The following ENPP2 variants were observed in gnomAD, a reference collection of about 807,000 sequenced individuals.
ENPP2 encodes ectonucleotide pyrophosphatase/phosphodiesterase 2.
A neutral mutation model predicts 120.2 loss-of-function variants in ENPP2; 51 were observed. The ratio of observed to expected loss-of-function variants is 0.42; its 90% CI spans 0.34 to 0.54. The LOEUF (loss-of-function observed/expected upper bound fraction) is 0.54, where lower values mean the gene tolerates loss of function less well. Ranked by LOEUF, ENPP2 falls within the 20% of genes least tolerant of loss-of-function variation. ENPP2 has a pLI of 0.04. For synonymous variants in ENPP2, 365 were observed against 366.4 expected (o/e 1.00, Z 0.04); for missense variants, 920 against 1,066.5 (o/e 0.86, Z 1.91).
chr8:119,659,634 G>C (rs16892918), intron 1 of ENPP2, among the ~76,000 whole-genome samples: 2,841 of 152,186 alleles, frequency 0.019, 85 homozygotes, highest in African/African-American at 0.065. Context: ...CTCCTAATCT[G>C]GTCAGATGAT....
chr8:119,610,903 T>TAAAAAAAA (rs541673414), intron 8 of ENPP2, among the ~76,000 whole-genome samples: 1,766 of 136,372 alleles, frequency 0.013, 29 homozygotes, highest in African/African-American at 0.037. Context: ...ATTCTGTCTT[T>TAAAAAAAA]AAAAAAAAAA....
upstream of ENPP2, among the ~76,000 whole-genome samples, chr8:119,639,353 C>A (rs895412717): frequency 6.6e-6 from 1 of 152,160 alleles, no homozygotes; most frequent in South Asian, 2.1e-4. Context: ...GCGACCCTGT[C>A]CCTAGTATCA....
chr8:119,621,291 C>T (rs1815876115), intron 4 of ENPP2, 103 bp downstream of exon 4: 1 of 1,011,240 alleles, frequency 9.9e-7, no homozygotes, highest in African/African-American at 1.6e-5. Flanking sequence ...TCCTTCCTCC[C>T]AAACTCATAT....
rs747959051 is a variant in ENPP2 at position 119,564,917 on chromosome 8, A to G, written c.2170T>C (p.Tyr724His). Residue 724 changes from tyrosine to histidine, a missense_variant, in exon 23 of 25, where the codon TAT becomes CAT. By Grantham distance (83) the Tyr-to-His change is moderately conservative. Coordinates refer to ENST00000075322, the MANE Select transcript of ENPP2 (RefSeq NM_001040092.3). ...NYFQRVLVKK[Y>H]ASERNGVNVI... is the part of the protein sequence containing the mutation. Reference sequence around the variant, plus strand: ...TTAACTCCATTTCTTTCCGAAGCATATTTCTTCACCAATACCCTTTGGAAA... The same window carrying G: ...TTAACTCCATTTCTTTCCGAAGCATGTTTCTTCACCAATACCCTTTGGAAA... The G allele has an allele frequency of 6.2e-7, 1 of 1,613,344 alleles. No homozygotes were observed. Among genetic ancestry groups the G allele is most frequent in the Admixed American group, 1.7e-5 (1 of 59,978 alleles).
At chr8:119,640,479 A>C (rs1234313478), upstream of ENPP2, among the ~76,000 whole-genome samples, 1 of 152,236 alleles carries the variant, frequency 6.6e-6, no homozygotes, top group Non-Finnish European at 1.5e-5. Flanking sequence ...TTCTAAAAAC[A>C]AAAACAGCCT....
intron 11 of ENPP2, chr8:119,595,783 A>C: frequency 6.5e-7 from 1 of 1,529,984 alleles, no homozygotes; most frequent in Non-Finnish European, 9.0e-7. Context: ...CAACCAAGGC[A>C]CTGAAGGCAA....
chr8:119,568,144 T>A, intron 22 of ENPP2, 31 bp downstream of exon 22: 1 of 1,102,598 alleles, frequency 9.1e-7, no homozygotes. Context: ...TTTTCATAAA[T>A]AACAGTGTAT....
At chr8:119,667,479 C>T (rs1214231822) in intron 1 of ENPP2, among the ~76,000 whole-genome samples, 20 of 152,186 alleles carry the variant, frequency 1.3e-4, no homozygotes, top group Non-Finnish European at 1.5e-4. Context: ...TATCTCCCTC[C>T]ACATTAGAGG....
chr8:119,668,429 CTTT>C (rs5894492), intron 1 of ENPP2, among the ~76,000 whole-genome samples: 7 of 110,536 alleles, frequency 6.3e-5, no homozygotes, highest in Non-Finnish European at 7.3e-5. Flanking sequence ...TTTTCTTTTT[CTTT>C]TTTTTTTTTT....
intron 24 of ENPP2, among the ~76,000 whole-genome samples, chr8:119,562,190 C>A (rs1464931921): frequency 6.6e-6 from 1 of 151,550 alleles, no homozygotes; most frequent in Non-Finnish European, 1.5e-5. Flanking sequence ...TGCCTATAAT[C>A]CCAGCACTTT....
rs772954841 is a variant in ENPP2 at position 119,638,482 on chromosome 8, C to G, written c.79G>C (p.Gly27Arg). Reference sequence around the variant, plus strand: ...CTCTTAATTCGATGTGCAGTGAATCCTAAGCAGATATTGACTCCAACGGCA... The same window carrying G: ...CTCTTAATTCGATGTGCAGTGAATCGTAAGCAGATATTGACTCCAACGGCA... ...TFAVGVNICL[G>R]FTAHRIKRAE... Residue 27 changes from glycine to arginine, a missense_variant, in exon 2 of 25, where the codon GGA becomes CGA. Transcript: ENST00000075322. 1 of 1,611,294 alleles carries G rather than the reference C, an allele frequency of 6.2e-7. No homozygotes were observed. Among genetic ancestry groups the G allele is most frequent in the South Asian group, 1.1e-5 (1 of 91,012 alleles).
intron 9 of ENPP2, among the ~76,000 whole-genome samples, chr8:119,606,523 C>T (rs1814729308): frequency 6.6e-6 from 1 of 151,810 alleles, no homozygotes; most frequent in African/African-American, 2.4e-5. Context: ...CATAGGATAA[C>T]ACTGGTAAAT....
At chr8:119,570,378 A>G (rs560247783) in intron 20 of ENPP2, among the ~76,000 whole-genome samples, 1 of 152,258 alleles carries the variant, frequency 6.6e-6, no homozygotes, top group African/African-American at 2.4e-5. Flanking sequence ...CTGAGAAATA[A>G]AATGTGCTCT....
intron 1 of ENPP2, among the ~76,000 whole-genome samples, chr8:119,645,251 G>A (rs1411085976): frequency 2.0e-5 from 3 of 152,090 alleles, no homozygotes; most frequent in Non-Finnish European, 2.9e-5. Flanking sequence ...TACACCACAC[G>A]AGGGCCTCCA....
chr8:119,661,558 G>A (rs1817921612), intron 1 of ENPP2, among the ~76,000 whole-genome samples: 2 of 152,152 alleles, frequency 1.3e-5, no homozygotes. Context: ...AAACCCTTGT[G>A]CACTCTTCAT....
intron 9 of ENPP2, among the ~76,000 whole-genome samples, chr8:119,603,834 C>A (rs186809111): frequency 2.0e-5 from 3 of 151,848 alleles, no homozygotes; most frequent in Non-Finnish European, 4.4e-5. Flanking sequence ...ATGGAGGGGT[C>A]GTCATTTTCT....
rs1044491705 is a variant in ENPP2 at position 119,618,072 on chromosome 8, T to A, written c.480-509A>T. ...TCTGTCAGTCATTCATTATCTGAAT[T>A]CTTGTGTATGAGATCTGTTAAGGTA... On this transcript the variant is annotated intron_variant, in intron 5 of 24. Coordinates refer to ENST00000075322, the MANE Select transcript of ENPP2 (RefSeq NM_001040092.3). 1.1e-4 allele frequency: 30 copies of A among 262,156 alleles called. No individual in the cohort carries two copies. In the South Asian group the frequency reaches 1.2e-3, roughly 11 times the overall value. 16.2% of individuals were successfully genotyped at this position (262,156 alleles called of 1,614,324 possible). A position where few individuals can be genotyped will look rare whatever the true frequency, so the allele number is the denominator to read the frequency against.
At position 119,593,762 on chromosome 8, in the gene ENPP2, G is replaced by A. The variant is rs747280674; in HGVS notation, c.1071C>T (p.Val357=). The change falls in exon 12 of 25, where the codon GTC becomes GTT. Residue 357 remains valine, a synonymous_variant. Coordinates refer to ENST00000075322, the MANE Select transcript of ENPP2 (RefSeq NM_001040092.3). ...AAAACAAAGCTTTACCATGGTCTCC[G>A]ACAAAGATGACGTTGACACACCGAT... ...KLHRCVNVIF[V]GDHGMEDVTC... 52 of 1,601,330 alleles carry A rather than the reference G, an allele frequency of 3.2e-5. No individual in the cohort carries two copies. The highest frequency in any genetic ancestry group is 4.1e-5 in the Non-Finnish European group (48 of 1,168,486).
rs374755499 is a variant in ENPP2 at position 119,599,899 on chromosome 8, C to T, written c.972+779G>A. 5.3e-5 allele frequency among the ~76,000 whole-genome samples: 8 copies of T among 151,080 alleles called. No homozygotes were observed. The South Asian group carries it at 1.3e-3, about 24-fold the overall frequency. On this transcript the variant is annotated intron_variant, in intron 11 of 24. Transcript: ENST00000075322. ...GTGCACGCCTGTAATCCCAGCTACT[C>T]GGGAGGCTGAGACAGGAGAATCACT...
Sources: allele counts gnomAD v4.1 joint callset (sites outside exome capture counted in the v4.1 genomes callset), GRCh38; gene constraint gnomAD v4.1.1; transcripts MANE v1.5; gene names NCBI Gene and HGNC (gene_info 2026-07-23, HGNC 2026-07-21).